The following CHL1 variants were observed in gnomAD, a reference collection of about 807,000 sequenced individuals.
CHL1 encodes the protein neural cell adhesion molecule L1-like protein.
Under a neutral mutation model 141.9 loss-of-function variants are expected in CHL1, and 96 were observed. The ratio of observed to expected loss-of-function variants is 0.68; its 90% confidence interval spans 0.57 to 0.80. The LOEUF (loss-of-function observed/expected upper bound fraction) is 0.80, where lower values mean the gene tolerates loss of function less well. Ranked by LOEUF, CHL1 falls within the 30% of genes least tolerant of loss-of-function variation. The pLI, the probability that CHL1 is intolerant of heterozygous loss-of-function variation, is 0.00. For missense variants in CHL1, 1,820 were observed against 1,457.2 expected, an observed-to-expected ratio of 1.25 and a Z score of -4.05; for synonymous variants, 613 against 502.2, an observed-to-expected ratio of 1.22 and a Z score of -2.95.
At chr3:292,780 A>C (rs1357188246) in intron 2 of CHL1, among the ~76,000 whole-genome samples, 1 of 152,148 alleles carries the variant, frequency 6.6e-6, no homozygotes, top group African/African-American at 2.4e-5. Context: ...CAGGAGCAAG[A>C]GGGAGAGAGT....
chr3:228,912 G>C (rs1701620067), intron 1 of CHL1, among the ~76,000 whole-genome samples: 1 of 152,070 alleles, frequency 6.6e-6, no homozygotes, highest in South Asian at 2.1e-4. Flanking sequence ...AGTAAAAAAT[G>C]ATCTTTTACA....
At position 325,962 on chromosome 3, in the gene CHL1, A is replaced by G. The variant is rs144884920; in HGVS notation, c.95A>G (p.Gln32Arg). 1.0e-4 allele frequency: 160 copies of G among 1,603,830 alleles called. No individual in the cohort carries two copies. The highest frequency in any genetic ancestry group is 1.2e-4 in the Non-Finnish European group (139 of 1,172,560). ...AAGTACATATTTTAATATTTAGTTC[A>G]ACAGGTTCCAACAATCATAAAACAG... ...SKAIEIPSSV[Q>R]QVPTIIKQSK... Residue 32 changes from glutamine to arginine, a missense_variant, in exon 4 of 28, where the codon CAA (glutamine) becomes CGA (arginine). Physicochemically the swap from Gln to Arg is conservative, Grantham distance 43. Coordinates refer to ENST00000256509, the MANE Select transcript of CHL1 (RefSeq NM_006614.4).
At chr3:296,958 A>T (rs1698241095) in intron 2 of CHL1, among the ~76,000 whole-genome samples, 1 of 152,200 alleles carries the variant, frequency 6.6e-6, no homozygotes, top group Non-Finnish European at 1.5e-5. Context: ...CAAGCAACAG[A>T]AAGAAGAGTG....
At chr3:395,517 A>C (rs894526890) in intron 24 of CHL1, among the ~76,000 whole-genome samples, 2 of 152,186 alleles carry the variant, frequency 1.3e-5, no homozygotes, top group African/African-American at 4.8e-5. Flanking sequence ...TTTCTATGAT[A>C]GCAACAGGAC....
intron 1 of CHL1, among the ~76,000 whole-genome samples, chr3:237,234 C>G (rs933490315): frequency 2.6e-5 from 4 of 152,152 alleles, no homozygotes; most frequent in African/African-American, 9.7e-5. Context: ...CTCACAAGAT[C>G]TGATGGTTTA....
intron 17 of CHL1, 72 bp downstream of exon 17, chr3:382,352 C>T: frequency 6.8e-7 from 1 of 1,478,620 alleles, no homozygotes; most frequent in Non-Finnish European, 9.4e-7. Flanking sequence ...ACTTTTTAAC[C>T]ACTCTTACTG....
chr3:197,851 TGTGC>T (rs1261759079), intron 1 of CHL1: 2 of 446,560 alleles, frequency 4.5e-6, no homozygotes, highest in African/African-American at 4.1e-5. Flanking sequence ...TCTTCCTCTT[TGTGC>T]CTCTCTCTTT....
Position 328,263 on chromosome 3 carries a change from G to A in CHL1, c.294G>A (p.Gly98=). The change falls in exon 5 of 28, where the codon GGG becomes GGA. Residue 98 remains glycine, a synonymous_variant. Coordinates refer to ENST00000256509, the MANE Select transcript of CHL1 (RefSeq NM_006614.4). Reference sequence around the variant, plus strand: ...GAACATTCAGGATCCCAAACGAGGGGCACATATCTCACTTTCAAGGGAAAT... The same window carrying A: ...GAACATTCAGGATCCCAAACGAGGGACACATATCTCACTTTCAAGGGAAAT... The part of the protein sequence containing the change: ...NSGTFRIPNE[G]HISHFQGKYR... 1 of 1,612,542 alleles carries A rather than the reference G, an allele frequency of 6.2e-7. No homozygotes were observed. Among genetic ancestry groups the A allele is most frequent in the East Asian group, 2.2e-5 (1 of 44,780 alleles).
chr3:199,857 G>A (rs1035963138), intron 1 of CHL1, among the ~76,000 whole-genome samples: 7 of 152,158 alleles, frequency 4.6e-5, no homozygotes, highest in Non-Finnish European at 8.8e-5. Flanking sequence ...TAAGGGTAAC[G>A]ATCAAGACTG....
At chr3:368,052 A>C (rs1705134617) in intron 15 of CHL1, among the ~76,000 whole-genome samples, 1 of 152,176 alleles carries the variant, frequency 6.6e-6, no homozygotes, top group African/African-American at 2.4e-5. Flanking sequence ...GTGCTGCAAT[A>C]AACATATATG....
intron 2 of CHL1, among the ~76,000 whole-genome samples, chr3:263,979 A>G (rs1694954196): frequency 6.6e-6 from 1 of 152,218 alleles, no homozygotes; most frequent in Non-Finnish European, 1.5e-5. Flanking sequence ...CTGCTTATCT[A>G]AGACGGATAG....
chr3:204,001 G>T (rs887058372), intron 1 of CHL1, among the ~76,000 whole-genome samples: 5 of 152,348 alleles, frequency 3.3e-5, no homozygotes, highest in African/African-American at 9.6e-5. Context: ...CATTAAGTTT[G>T]TATTCAGGAG....
intron 1 of CHL1, among the ~76,000 whole-genome samples, chr3:206,243 G>A (rs1313206714): frequency 6.6e-6 from 1 of 152,144 alleles, no homozygotes; most frequent in Non-Finnish European, 1.5e-5. Flanking sequence ...TGAGACGGGT[G>A]GATCACTTGA....
At chr3:215,225 C>T (rs532823562) in intron 1 of CHL1, among the ~76,000 whole-genome samples, 20 of 152,230 alleles carry the variant, frequency 1.3e-4, no homozygotes, top group African/African-American at 4.6e-4. Flanking sequence ...TTGAATAGTA[C>T]TCAGCCATAA....
At chr3:270,287 G>A (rs1009919899) in intron 2 of CHL1, among the ~76,000 whole-genome samples, 3 of 152,168 alleles carry the variant, frequency 2.0e-5, no homozygotes, top group African/African-American at 7.2e-5. Flanking sequence ...AATATTTCAG[G>A]CCAATGAGGG....
At chr3:275,135 A>C (rs1695973323) in intron 2 of CHL1, among the ~76,000 whole-genome samples, 1 of 152,244 alleles carries the variant, frequency 6.6e-6, no homozygotes, top group African/African-American at 2.4e-5. Context: ...CCTATTTACT[A>C]GTGATGAAAC....
chr3:272,042 G>T (rs1203960130), intron 2 of CHL1, among the ~76,000 whole-genome samples: 1 of 152,030 alleles, frequency 6.6e-6, no homozygotes, highest in East Asian at 1.9e-4. Context: ...TAATAGAATT[G>T]GGAAAATAAT....
chr3:382,606 C>G lies in CHL1; in HGVS notation c.2111C>G (p.Ala704Gly). ...GTGAGATACCAGTTCAGGGTCATAG[C>G]CGTGAACGAAGTAGGGAGAAGTCAG... ...PFVRYQFRVI[A>G]VNEVGRSQPS... Residue 704 changes from alanine to glycine, a missense_variant, in exon 18 of 28, where the codon GCC becomes GGC. Transcript: ENST00000256509. The G allele has an allele frequency of 1.2e-6, 2 of 1,613,854 alleles. No homozygotes were observed. Among genetic ancestry groups the G allele is most frequent in the Non-Finnish European group, 1.7e-6 (2 of 1,179,858 alleles).
At chr3:221,327 T>C (rs905196143) in intron 1 of CHL1, among the ~76,000 whole-genome samples, 4 of 152,212 alleles carry the variant, frequency 2.6e-5, no homozygotes, top group African/African-American at 9.7e-5. Context: ...TTGACACTAA[T>C]CATCATTGTA....
Sources: gnomAD v4.1 joint callset for allele counts (sites outside exome capture counted in the v4.1 genomes callset) on GRCh38, gnomAD v4.1.1 for gene constraint, MANE v1.5 for transcripts, NCBI Gene and HGNC (gene_info 2026-07-23, HGNC 2026-07-21) for gene names.